Variants in CHEK1 observed in about 807,000 individuals in gnomAD.
CHEK1 encodes checkpoint kinase 1, also known as serine/threonine-protein kinase Chk1.
In CHEK1, 32 loss-of-function variants were observed where a neutral mutation model predicts 60.2. That is an observed-to-expected ratio of 0.53 (90% CI 0.40 to 0.71). The LOEUF (loss-of-function observed/expected upper bound fraction) is 0.71, where lower values mean the gene tolerates loss of function less well. Among genes scored for constraint, CHEK1 ranks in the 30% least tolerant of loss-of-function variants. The pLI is 0.00. For missense variants in CHEK1, 399 were observed against 564.6 expected (o/e 0.71, Z 2.97); for synonymous variants, 179 against 187.2 (o/e 0.96, Z 0.36).
downstream of CHEK1, chr11:125,677,950 C>T: frequency 3.7e-6 from 6 of 1,612,416 alleles, no homozygotes; most frequent in Non-Finnish European, 5.1e-6. Context: ...TCACCTGACT[C>T]AAGCTCACTC....
intron 5 of CHEK1, among the ~76,000 whole-genome samples, chr11:125,632,611 A>G (rs1438904771): frequency 6.6e-6 from 1 of 152,092 alleles, no homozygotes; most frequent in East Asian, 1.9e-4. Context: ...GTTAGGGTGG[A>G]AGTTGGGTCT....
downstream of CHEK1, among the ~76,000 whole-genome samples, chr11:125,659,289 T>TC (rs1941972573): frequency 6.6e-6 from 1 of 152,146 alleles, no homozygotes; most frequent in Admixed American, 6.5e-5. Flanking sequence ...CCCTTTTTTT[T>TC]CTCTTGCAGT....
downstream of CHEK1, among the ~76,000 whole-genome samples, chr11:125,678,978 T>TTATATATATATATATATA (rs10522682): frequency 0.034 from 2,970 of 88,006 alleles, 206 homozygotes; most frequent in Admixed American, 0.048. Flanking sequence ...TCTAGGCATA[T>TTATATATATATATATATA]TATATATATA....
intron 11 of CHEK1, among the ~76,000 whole-genome samples, chr11:125,650,459 T>G (rs1394739808): frequency 2.2e-5 from 1 of 45,678 alleles, no homozygotes; most frequent in Non-Finnish European, 4.6e-5. Context: ...GTGGTGTTTG[T>G]TTTTTTTTTT....
downstream of CHEK1, chr11:125,678,003 C>T (rs1942607629): frequency 1.2e-6 from 2 of 1,613,374 alleles, no homozygotes; most frequent in Non-Finnish European, 1.7e-6. Flanking sequence ...AGGCTGTTCT[C>T]CTGAAGGCTG....
At position 125,625,841 on chromosome 11, in the gene CHEK1, C is replaced by T. The variant is rs1591387955; in HGVS notation, c.-192C>T. Reference sequence around the variant, plus strand: ...CAGCCCTGGGCGGGAGCGGCAACATCTCCACGTCACCCTTTTGGAGCCGCC... The same window carrying T: ...CAGCCCTGGGCGGGAGCGGCAACATTTCCACGTCACCCTTTTGGAGCCGCC... On this transcript the variant is annotated 5_prime_UTR_variant, in exon 1 of 13. Transcript: ENST00000438015. The T allele has an allele frequency of 1.4e-6, 1 of 702,626 alleles. No individual in the cohort carries two copies. Among genetic ancestry groups the T allele is most frequent in the East Asian group, 2.7e-5 (1 of 37,272 alleles). 43.5% of individuals were successfully genotyped at this position (702,626 alleles called of 1,614,324 possible). A position where few individuals can be genotyped will look rare whatever the true frequency, so the allele number is the denominator to read the frequency against.
chr11:125,633,806 C>A (rs867027254), intron 6 of CHEK1, among the ~76,000 whole-genome samples: 1 of 152,106 alleles, frequency 6.6e-6, no homozygotes, highest in Admixed American at 6.5e-5. Flanking sequence ...ACTGCTGTAA[C>A]AAAGTATCAT....
At chr11:125,639,845 A>C (rs1941214248) in intron 8 of CHEK1, among the ~76,000 whole-genome samples, 1 of 152,078 alleles carries the variant, frequency 6.6e-6, no homozygotes. Context: ...GCTGTAGATA[A>C]ATTGCTCTGG....
rs1486382481 is a variant in CHEK1 at position 125,653,906 on chromosome 11, A to T, written c.1335+59A>T. ...AAATATTTCTATATGAATTTTTTTA[A>T]TGGCATTATGTTTGTATATATGTGG... On this transcript the variant is annotated intron_variant, in intron 12 of 12. Transcript: ENST00000438015. This position sits in a 1 kb window ranked among gnomAD's most constrained non-coding sequence, Gnocchi z 4.3. 4.9e-6 allele frequency: 5 copies of T among 1,018,484 alleles called. No homozygotes were observed. The highest frequency in any genetic ancestry group is 5.8e-6 in the Non-Finnish European group (4 of 686,880). 63.1% of individuals were successfully genotyped at this position (1,018,484 alleles called of 1,614,324 possible). A position where few individuals can be genotyped will look rare whatever the true frequency, so the allele number is the denominator to read the frequency against.
downstream of CHEK1, among the ~76,000 whole-genome samples, chr11:125,660,392 A>AT (rs151230809): frequency 6.4e-3 from 969 of 152,036 alleles, 8 homozygotes; most frequent in African/African-American, 0.022. Context: ...TGTGGTTCTC[A>AT]TTTTTTTCTT....
At position 125,626,397 on chromosome 11, in the gene CHEK1, C is replaced by A. The variant is rs1410861940; in HGVS notation, c.-20-352C>A. 2.6e-5 allele frequency: 11 copies of A among 429,956 alleles called. No individual in the cohort carries two copies. In the East Asian group the frequency reaches 3.4e-4, roughly 13 times the overall value. The allele number at this position is 429,956 out of a possible 1,614,324, so 26.6% of individuals were successfully genotyped here. A position where few individuals can be genotyped will look rare whatever the true frequency, so the allele number is the denominator to read the frequency against. Reference sequence around the variant, plus strand: ...TTCTGCCCCATACCGCTCCCTATATCCTCTTCCTCTCTTCCCCAGACCCCC... The same window carrying A: ...TTCTGCCCCATACCGCTCCCTATATACTCTTCCTCTCTTCCCCAGACCCCC... On this transcript the variant is annotated intron_variant, in intron 1 of 12. Transcript: ENST00000438015.
At chr11:125,672,260 C>T (rs551930765) in intron 13 of CHEK1, 31 of 211,922 alleles carry the variant, frequency 1.5e-4, no homozygotes, top group Non-Finnish European at 2.4e-4. Context: ...AGTTTAGTGT[C>T]GGTGTGGAAG....
At chr11:125,634,331 G>GT (rs371648912) in intron 6 of CHEK1, among the ~76,000 whole-genome samples, 4 of 151,082 alleles carry the variant, frequency 2.6e-5, no homozygotes, top group African/African-American at 7.3e-5. Flanking sequence ...TTTTTTTGTG[G>GT]TTTTTTTTGA....
At chr11:125,675,290 C>G (rs1644960645) in intron 13 of CHEK1, among the ~76,000 whole-genome samples, 1 of 152,228 alleles carries the variant, frequency 6.6e-6, no homozygotes, top group Non-Finnish European at 1.5e-5. Flanking sequence ...TTTCCCTGAA[C>G]TCTCTGCACT....
downstream of CHEK1, among the ~76,000 whole-genome samples, chr11:125,677,065 G>A (rs1191049182): frequency 6.6e-6 from 1 of 152,226 alleles, no homozygotes; most frequent in African/African-American, 2.4e-5. Flanking sequence ...GAAGTGGAAA[G>A]ATTATGGGCT....
intron 11 of CHEK1, 95 bp downstream of exon 11, chr11:125,644,738 G>A (rs1290325306): frequency 7.3e-7 from 1 of 1,367,112 alleles, no homozygotes; most frequent in Non-Finnish European, 9.9e-7. Context: ...AATATAGGCT[G>A]TGGCTCACAC....
chr11:125,644,713 T>G, intron 11 of CHEK1, 70 bp downstream of exon 11: 2 of 1,522,366 alleles, frequency 1.3e-6, no homozygotes, highest in Non-Finnish European at 1.8e-6. Context: ...AAAGCTATCA[T>G]TAGTATATTT....
chr11:125,678,012 T>G, downstream of CHEK1: 4 of 1,614,160 alleles, frequency 2.5e-6, no homozygotes, highest in East Asian at 4.5e-5. Context: ...TCCTGAAGGC[T>G]GCTCACCTAC....
Position 125,653,935 on chromosome 11 carries a change from T to C in CHEK1, c.1335+88T>C. Reference sequence around the variant, plus strand: ...CATTATGTTTGTATATATGTGGCATTTGTAAATAGGTTACTTGCTTTTTTC... The same window carrying C: ...CATTATGTTTGTATATATGTGGCATCTGTAAATAGGTTACTTGCTTTTTTC... On this transcript the variant is annotated intron_variant, in intron 12 of 12. Transcript: ENST00000438015. The surrounding 1 kb of genome is among the most constrained non-coding windows in gnomAD (Gnocchi z 4.3). The C allele has an allele frequency of 1.4e-6, 1 of 689,856 alleles. No individual in the cohort carries two copies. The highest frequency in any genetic ancestry group is 2.4e-6 in the Non-Finnish European group (1 of 417,790). 42.7% of individuals were successfully genotyped at this position (689,856 alleles called of 1,614,324 possible). A position where few individuals can be genotyped will look rare whatever the true frequency, so the allele number is the denominator to read the frequency against.
Sources: allele counts gnomAD v4.1 joint callset (sites outside exome capture counted in the v4.1 genomes callset), GRCh38; gene constraint gnomAD v4.1.1; non-coding constraint Gnocchi (gnomAD v3.1); transcripts MANE v1.5; gene names NCBI Gene and HGNC (gene_info 2026-07-23, HGNC 2026-07-21).